Variants in AKT3 observed in about 807,000 individuals in gnomAD.
The protein encoded by AKT3 is RAC-gamma serine/threonine-protein kinase.
AKT3 carries 15 observed loss-of-function variants against 65.3 expected under a neutral mutation model. The ratio of observed to expected loss-of-function variants is 0.23; its 90% confidence interval spans 0.15 to 0.35. The LOEUF is 0.35. AKT3 is among the 10% of genes least tolerant of loss of function. The pLI, the probability that AKT3 is intolerant of heterozygous loss-of-function variation, is 1.00. For synonymous variants in AKT3, 206 were observed against 183.8 expected, an observed-to-expected ratio of 1.12 and a Z score of -0.98; for missense variants, 243 against 576.5, an observed-to-expected ratio of 0.42 and a Z score of 5.92.
intron 3 of AKT3, among the ~76,000 whole-genome samples, chr1:243,684,222 T>C (rs1264007295): frequency 2.0e-5 from 3 of 152,144 alleles, no homozygotes; most frequent in Non-Finnish European, 2.9e-5. Context: ...GTTTGTTACA[T>C]AGGTATACAC....
intron 2 of AKT3, among the ~76,000 whole-genome samples, chr1:243,709,207 C>G (rs571739521): frequency 6.9e-6 from 1 of 145,928 alleles, no homozygotes; most frequent in South Asian, 2.2e-4. Flanking sequence ...GTTTTACATA[C>G]AAGTTAATTA....
chr1:243,502,309 C>T lies in AKT3; in HGVS notation c.*2940G>A, dbSNP rs111693173. 31 of 232,894 alleles carry T rather than the reference C, an allele frequency of 1.3e-4. No individual in the cohort carries two copies. The highest frequency in any genetic ancestry group is 2.5e-4 in the Non-Finnish European group (29 of 117,812). 14.4% of individuals were successfully genotyped at this position (232,894 alleles called of 1,614,324 possible). ...AGCAAGTGGCCCCTGCAAGAACAGT[C>T]AGCTTTAAGAAGCTGGAAATCAGGG... On this transcript the variant is annotated 3_prime_UTR_variant, in exon 14 of 14. Coordinates refer to ENST00000673466, the MANE Select transcript of AKT3 (RefSeq NM_005465.7).
At chr1:243,679,103 C>A (rs1683736082) in intron 3 of AKT3, among the ~76,000 whole-genome samples, 1 of 152,268 alleles carries the variant, frequency 6.6e-6, no homozygotes, top group African/African-American at 2.4e-5. Context: ...AATATATTTT[C>A]TCTTCCTTAT....
At chr1:243,831,969 C>A (rs12049228) in intron 2 of AKT3, among the ~76,000 whole-genome samples, 34,652 of 151,382 alleles carry the variant, frequency 0.23, 4,325 homozygotes, top group East Asian at 0.32. Flanking sequence ...GTTTTGAAAT[C>A]TGTCAGATGA....
chr1:243,492,490 A>T (rs545361205), intron 13 of AKT3, among the ~76,000 whole-genome samples: 1 of 149,452 alleles, frequency 6.7e-6, no homozygotes, highest in African/African-American at 2.5e-5. Context: ...TTTTAATAGA[A>T]ACGGGGTTTC....
At chr1:243,833,904 T>C (rs1173012148) in intron 2 of AKT3, among the ~76,000 whole-genome samples, 1 of 151,732 alleles carries the variant, frequency 6.6e-6, no homozygotes, top group African/African-American at 2.4e-5. Context: ...TATAAAAAAA[T>C]AATTTAAAAA....
At chr1:243,579,719 T>G (rs1046574433) in intron 8 of AKT3, among the ~76,000 whole-genome samples, 16 of 152,142 alleles carry the variant, frequency 1.1e-4, no homozygotes, top group African/African-American at 3.1e-4. Flanking sequence ...ATAACTACAA[T>G]TCATATGGAA....
chr1:243,786,508 G>C (rs973028567), intron 2 of AKT3, among the ~76,000 whole-genome samples: 12 of 152,144 alleles, frequency 7.9e-5, no homozygotes, highest in African/African-American at 2.7e-4. Context: ...CTTTCCATCA[G>C]CTCAAGAAAC....
intron 2 of AKT3, among the ~76,000 whole-genome samples, chr1:243,795,131 A>C (rs1407623687): frequency 7.1e-6 from 1 of 141,138 alleles, no homozygotes; most frequent in Non-Finnish European, 1.5e-5. Context: ...CCACCTCTCT[A>C]TGTCTACTTT....
At chr1:243,540,840 A>C (rs1478934394) in intron 12 of AKT3, among the ~76,000 whole-genome samples, 1 of 152,074 alleles carries the variant, frequency 6.6e-6, no homozygotes, top group Admixed American at 6.6e-5. Flanking sequence ...TATTTCGAGG[A>C]ATGTCCCTCC....
Position 243,843,128 on chromosome 1 carries a change from T to TC in AKT3, c.42dup (p.Arg15GlufsTer25). 1 of 1,614,006 alleles carries TC rather than the reference T, an allele frequency of 6.2e-7. No homozygotes were observed. The highest frequency in any genetic ancestry group is 1.7e-5 in the Admixed American group (1 of 60,014). ...TTTTGGTTTGCGGAGCACTTACCCC[T>TC]CTTCTGAACCCAACCTTCTTTCACA... On this transcript the variant is annotated frameshift_variant, in exon 2 of 14. Coordinates refer to ENST00000673466, the MANE Select transcript of AKT3 (RefSeq NM_005465.7). LOFTEE classifies it high-confidence loss of function.
rs1678349287 is a variant in AKT3, at chr1:243,616,668, G to A, written c.562-1507C>T. 1.3e-5 allele frequency among the ~76,000 whole-genome samples: 2 copies of A among 152,074 alleles called. 1 individual carries two copies. The highest frequency in any genetic ancestry group is 4.1e-4 in the South Asian group (2 of 4,826). ...ATTAGATGGAAGAAAGACATGAAAA[G>A]CAAAACATCAGGACACTGCATTATA... On this transcript the variant is annotated intron_variant, in intron 6 of 13. Transcript: ENST00000673466.
At chr1:243,639,907 G>A (rs570338499) in intron 5 of AKT3, among the ~76,000 whole-genome samples, 14 of 152,184 alleles carry the variant, frequency 9.2e-5, no homozygotes, top group African/African-American at 3.4e-4. Context: ...GGTCTCCCAG[G>A]CTGAACCCCA....
At chr1:243,802,423 G>A (rs900971421) in intron 2 of AKT3, among the ~76,000 whole-genome samples, 1 of 152,144 alleles carries the variant, frequency 6.6e-6, no homozygotes, top group Non-Finnish European at 1.5e-5. Context: ...AAATATTGGA[G>A]CTAGAAGAGA....
intron 8 of AKT3, among the ~76,000 whole-genome samples, chr1:243,578,161 T>G (rs548275821): frequency 6.6e-6 from 1 of 152,228 alleles, no homozygotes; most frequent in Admixed American, 6.5e-5. Context: ...GAAATACCCT[T>G]TGACCCAGCA....
chr1:243,784,979 G>T (rs540953573), intron 2 of AKT3, among the ~76,000 whole-genome samples: 1 of 151,838 alleles, frequency 6.6e-6, no homozygotes, highest in Non-Finnish European at 1.5e-5. Context: ...GCCCAGGCTG[G>T]ATTTCAACTC....
intron 12 of AKT3, among the ~76,000 whole-genome samples, chr1:243,527,932 CACACAGAGAGAGAG>C (rs1430315078): frequency 1.3e-3 from 43 of 33,644 alleles, no homozygotes; most frequent in African/African-American, 3.0e-3. Flanking sequence ...CACACACACA[CACACAGAGAGAGAG>C]AGAGAGAGAG....
chr1:243,849,724 C>G (rs1040685732), intron 1 of AKT3, among the ~76,000 whole-genome samples: 1 of 151,478 alleles, frequency 6.6e-6, no homozygotes, highest in Non-Finnish European at 1.5e-5. Context: ...CAGACACAGA[C>G]GGTACCGCTA....
At chr1:243,627,203 G>T (rs771341853) in intron 6 of AKT3, among the ~76,000 whole-genome samples, 2 of 152,016 alleles carry the variant, frequency 1.3e-5, no homozygotes, top group Non-Finnish European at 2.9e-5. Flanking sequence ...ATCTAAAAGA[G>T]ACATACTCAG....
Sources: allele counts gnomAD v4.1 joint callset (sites outside exome capture counted in the v4.1 genomes callset), GRCh38; gene constraint gnomAD v4.1.1; transcripts MANE v1.5; gene names NCBI Gene and HGNC (gene_info 2026-07-23, HGNC 2026-07-21).